PLCB1: variants seen among roughly 807,000 people sequenced by gnomAD.
PLCB1 encodes 1-phosphatidylinositol 4,5-bisphosphate phosphodiesterase beta-1.
A neutral mutation model predicts 161.8 loss-of-function variants in PLCB1; 46 were observed. The ratio of observed to expected loss-of-function variants is 0.28; its 90% CI spans 0.22 to 0.36. The LOEUF is 0.36. Ranked by LOEUF, PLCB1 falls within the 10% of genes least tolerant of loss-of-function variation. The probability of loss-of-function intolerance (pLI) is 1.00; values close to 1 mark genes in which losing one functional copy is unlikely to be tolerated. For synonymous variants in PLCB1, 517 were observed against 503.7 expected (o/e 1.03, Z -0.35); for missense variants, 1,016 against 1,472.5 (o/e 0.69, Z 5.07).
At chr20:8,403,264 T>C (rs918153857) in intron 3 of PLCB1, among the ~76,000 whole-genome samples, 2 of 152,054 alleles carry the variant, frequency 1.3e-5, no homozygotes, top group Non-Finnish European at 2.9e-5. Context: ...ACTGTAATCC[T>C]AAGGCTTTGA....
At chr20:8,269,046 G>GC (rs11480938) in intron 2 of PLCB1, among the ~76,000 whole-genome samples, 152,279 of 152,280 alleles carry the variant, frequency 1, 76,139 homozygotes, top group Non-Finnish European at 1. Context: ...ACCTGGCTCT[G>GC]CACTTATTGA....
intron 2 of PLCB1, among the ~76,000 whole-genome samples, chr20:8,278,436 T>A (rs568184153): frequency 1.3e-4 from 20 of 150,894 alleles, no homozygotes; most frequent in African/African-American, 4.6e-4. Context: ...ATTAAGTATC[T>A]GTGATACATG....
chr20:8,639,041 G>T (rs1988859136), intron 4 of PLCB1, among the ~76,000 whole-genome samples: 1 of 152,110 alleles, frequency 6.6e-6, no homozygotes, highest in African/African-American at 2.4e-5. Flanking sequence ...GCCTGGGGTG[G>T]GCATTGTGGG....
At chr20:8,732,137 T>A (rs1282382482) in intron 18 of PLCB1, 1 of 152,070 alleles carries the variant, frequency 6.6e-6, no homozygotes, top group Non-Finnish European at 1.5e-5. Flanking sequence ...CTTTGTCCAC[T>A]GGAAAAGAGT....
intron 3 of PLCB1, among the ~76,000 whole-genome samples, chr20:8,379,784 CT>C (rs1987206692): frequency 6.6e-6 from 1 of 152,038 alleles, no homozygotes; most frequent in Non-Finnish European, 1.5e-5. Context: ...CCTTTGCCCA[CT>C]TTTTGATGGT....
chr20:8,596,966 T>C (rs1213924295), intron 3 of PLCB1, among the ~76,000 whole-genome samples: 1 of 152,130 alleles, frequency 6.6e-6, no homozygotes, highest in African/African-American at 2.4e-5. Flanking sequence ...TCCTGAGACT[T>C]TGCTGAAGTT....
intron 3 of PLCB1, among the ~76,000 whole-genome samples, chr20:8,559,442 A>G (rs1986072099): frequency 6.6e-6 from 1 of 152,034 alleles, no homozygotes; most frequent in African/African-American, 2.4e-5. Flanking sequence ...AATAGTAAAA[A>G]TGTCAAAAGT....
chr20:8,800,994 G>A (rs1335906442), intron 31 of PLCB1, among the ~76,000 whole-genome samples: 1 of 152,108 alleles, frequency 6.6e-6, no homozygotes, highest in Non-Finnish European at 1.5e-5. Flanking sequence ...TTCTCAACAT[G>A]TCACCCAGAG....
chr20:8,577,773 T>C (rs1333307219), intron 3 of PLCB1, among the ~76,000 whole-genome samples: 2 of 152,224 alleles, frequency 1.3e-5, no homozygotes, highest in African/African-American at 4.8e-5. Context: ...TATCAATGCC[T>C]TTATTTTTCT....
chr20:8,226,688 TA>T (rs1367243118), intron 2 of PLCB1, among the ~76,000 whole-genome samples: 1 of 150,512 alleles, frequency 6.6e-6, no homozygotes, highest in Non-Finnish European at 1.5e-5. Context: ...CAAGTAAAAC[TA>T]ATTTTTTTTT....
At chr20:8,439,489 A>G (rs980958824) in intron 3 of PLCB1, among the ~76,000 whole-genome samples, 3 of 152,208 alleles carry the variant, frequency 2.0e-5, no homozygotes, top group Non-Finnish European at 2.9e-5. Flanking sequence ...CACTTATCCA[A>G]GGGAGCTGGA....
chr20:8,319,969 A>G (rs1282986156), intron 2 of PLCB1, among the ~76,000 whole-genome samples: 2 of 152,142 alleles, frequency 1.3e-5, no homozygotes, highest in African/African-American at 4.8e-5. Context: ...CACGTTGTAC[A>G]CATGCACCCT....
intron 3 of PLCB1, among the ~76,000 whole-genome samples, chr20:8,449,419 C>T (rs781654175): frequency 6.6e-6 from 1 of 152,172 alleles, no homozygotes; most frequent in African/African-American, 2.4e-5. Flanking sequence ...TTGCCTATCG[C>T]TAGTGTCCCG....
intron 3 of PLCB1, among the ~76,000 whole-genome samples, chr20:8,529,811 T>A (rs1290748213): frequency 3.3e-5 from 5 of 152,136 alleles, no homozygotes. Flanking sequence ...ACAATGTTGC[T>A]ATGAATATTC....
At chr20:8,558,451 AC>A (rs1287802197) in intron 3 of PLCB1, among the ~76,000 whole-genome samples, 1 of 151,946 alleles carries the variant, frequency 6.6e-6, no homozygotes, top group African/African-American at 2.4e-5. Context: ...CCTGTGAGAC[AC>A]CATCAAGCAT....
At chr20:8,270,913 A>G (rs1460341453) in intron 2 of PLCB1, among the ~76,000 whole-genome samples, 1 of 152,164 alleles carries the variant, frequency 6.6e-6, no homozygotes, top group Non-Finnish European at 1.5e-5. Context: ...AATTGGCCTC[A>G]ATCCCATCTT....
intron 2 of PLCB1, among the ~76,000 whole-genome samples, chr20:8,312,261 C>T (rs1046201129): frequency 1.3e-5 from 2 of 152,110 alleles, no homozygotes; most frequent in African/African-American, 2.4e-5. Flanking sequence ...GCTTCTCAAG[C>T]GCGCATACAA....
intron 2 of PLCB1, among the ~76,000 whole-genome samples, chr20:8,208,777 A>G (rs1167595970): frequency 6.6e-6 from 1 of 152,134 alleles, no homozygotes; most frequent in African/African-American, 2.4e-5. Flanking sequence ...ACATTTCATG[A>G]GATTATTGAA....
intron 31 of PLCB1, among the ~76,000 whole-genome samples, chr20:8,825,473 C>T (rs191434052): frequency 4.2e-4 from 64 of 152,156 alleles, no homozygotes; most frequent in Admixed American, 1.6e-3. Flanking sequence ...CTTTCAGATA[C>T]GGAGAATAAT....
Sources: allele counts gnomAD v4.1 joint callset (sites outside exome capture counted in the v4.1 genomes callset), GRCh38; gene constraint gnomAD v4.1.1; transcripts MANE v1.5; gene names NCBI Gene and HGNC (gene_info 2026-07-23, HGNC 2026-07-21).